CSMD1: variants seen among roughly 807,000 people sequenced by gnomAD.
CSMD1 encodes the protein CUB and sushi domain-containing protein 1.
CSMD1 carries 213 observed loss-of-function variants against 417.5 expected under a neutral mutation model. That is an observed-to-expected ratio of 0.51 (90% CI 0.46 to 0.57). The LOEUF is 0.57. CSMD1 is among the 20% of genes least tolerant of loss of function. The pLI, the probability that CSMD1 is intolerant of heterozygous loss-of-function variation, is 0.00. For missense variants in CSMD1, 6,923 were observed against 4,529.7 expected (o/e 1.53, Z -15.17); for synonymous variants, 2,862 against 1,736.8 (o/e 1.65, Z -16.11).
chr8:3,565,298 T>C (rs1174662368), intron 10 of CSMD1, among the ~76,000 whole-genome samples: 1 of 151,672 alleles, frequency 6.6e-6, no homozygotes, highest in Non-Finnish European at 1.5e-5. Flanking sequence ...GCGTCCTCCT[T>C]TCCCCAGTGG....
At chr8:3,682,049 A>G (rs1799692218) in intron 7 of CSMD1, among the ~76,000 whole-genome samples, 1 of 152,212 alleles carries the variant, frequency 6.6e-6, no homozygotes, top group African/African-American at 2.4e-5. Flanking sequence ...TTCAAGATGG[A>G]TTAAAGACTT....
intron 12 of CSMD1, among the ~76,000 whole-genome samples, chr8:3,437,336 C>T (rs759451697): frequency 2.6e-5 from 4 of 152,148 alleles, no homozygotes; most frequent in African/African-American, 2.4e-5. Context: ...GGCCTCAACT[C>T]GGGAAATCTT....
rs185369877 is a variant in CSMD1, at chr8:4,547,435, T to A, written c.302+89907A>T. Among the ~76,000 whole-genome samples the A allele has an allele frequency of 9.8e-5, 15 of 152,340 alleles. No individual in the cohort carries two copies. In the East Asian group the frequency reaches 1.5e-3, roughly 16 times the overall value. ...TAGAAGAAAATACAACTTCCTAGCATCAGATTGAAAAAGAAAAAAAGAAAC... is the reference window on the plus strand; with the variant it reads ...TAGAAGAAAATACAACTTCCTAGCAACAGATTGAAAAAGAAAAAAAGAAAC... On this transcript the variant is annotated intron_variant, in intron 2 of 69. Coordinates refer to ENST00000635120, the MANE Select transcript of CSMD1 (RefSeq NM_033225.6).
intron 7 of CSMD1, among the ~76,000 whole-genome samples, chr8:3,671,054 G>A (rs536267666): frequency 8.0e-6 from 1 of 124,354 alleles, no homozygotes; most frequent in Admixed American, 8.2e-5. Context: ...TATGTATATA[G>A]GATATATATG....
chr8:4,322,597 C>CAT (rs1391170699), intron 3 of CSMD1, among the ~76,000 whole-genome samples: 2 of 152,234 alleles, frequency 1.3e-5, no homozygotes, highest in East Asian at 3.9e-4. Context: ...ACATAAAAGA[C>CAT]ATGTTGTAGA....
chr8:3,967,932 C>T (rs1417710698), intron 5 of CSMD1, among the ~76,000 whole-genome samples: 1 of 148,648 alleles, frequency 6.7e-6, no homozygotes, highest in African/African-American at 2.5e-5. Context: ...CTTTGGGAGG[C>T]CGAGGTGTGC....
At chr8:3,186,195 G>C (rs926732964) in intron 36 of CSMD1, among the ~76,000 whole-genome samples, 61 of 152,094 alleles carry the variant, frequency 4.0e-4, no homozygotes, top group Non-Finnish European at 1.0e-4. Context: ...TTTTTAATGA[G>C]AGAGGCCTTA....
At chr8:3,476,137 G>A (rs1187515734) in intron 11 of CSMD1, among the ~76,000 whole-genome samples, 2 of 152,174 alleles carry the variant, frequency 1.3e-5, no homozygotes, top group East Asian at 3.9e-4. Context: ...GAGTCCAGGA[G>A]TTCAAGACTA....
chr8:3,946,993 T>C (rs1415121449), intron 5 of CSMD1, among the ~76,000 whole-genome samples: 1 of 152,178 alleles, frequency 6.6e-6, no homozygotes, highest in Non-Finnish European at 1.5e-5. Context: ...AATAAATACG[T>C]TGGATCTCAT....
chr8:3,906,222 G>C (rs892021841), intron 5 of CSMD1, among the ~76,000 whole-genome samples: 1 of 151,876 alleles, frequency 6.6e-6, no homozygotes, highest in African/African-American at 2.4e-5. Context: ...TCTTGATTGT[G>C]ACCACAAAAT....
intron 2 of CSMD1, among the ~76,000 whole-genome samples, chr8:4,633,389 G>C (rs1802645549): frequency 6.6e-6 from 1 of 151,776 alleles, no homozygotes; most frequent in African/African-American, 2.4e-5. Flanking sequence ...TGGGACTACA[G>C]GCGCCCACCA....
At chr8:4,849,688 T>A (rs542177626) in intron 1 of CSMD1, among the ~76,000 whole-genome samples, 24 of 152,308 alleles carry the variant, frequency 1.6e-4, no homozygotes, top group Middle Eastern at 3.4e-3. Context: ...TGCAGTAACA[T>A]GCTGTACAGA....
chr8:4,744,176 A>G (rs1040617432), intron 1 of CSMD1, among the ~76,000 whole-genome samples: 1 of 151,934 alleles, frequency 6.6e-6, no homozygotes, highest in African/African-American at 2.4e-5. Flanking sequence ...GTCGCAGTCC[A>G]GGCCAAACAC....
chr8:4,969,150 T>C (rs1479054182), intron 1 of CSMD1, among the ~76,000 whole-genome samples: 1 of 152,168 alleles, frequency 6.6e-6, no homozygotes, highest in Non-Finnish European at 1.5e-5. Flanking sequence ...TGTACTTTAT[T>C]ATACCATTAT....
chr8:4,821,475 G>T (rs118044629), intron 1 of CSMD1, among the ~76,000 whole-genome samples: 1 of 152,088 alleles, frequency 6.6e-6, no homozygotes, highest in African/African-American at 2.4e-5. Flanking sequence ...TACAGGGAAC[G>T]CACTTTTCTC....
chr8:3,814,771 C>T (rs749813848), intron 5 of CSMD1, among the ~76,000 whole-genome samples: 1 of 152,138 alleles, frequency 6.6e-6, no homozygotes, highest in African/African-American at 2.4e-5. Flanking sequence ...ATGGACTATT[C>T]TGCCACGATT....
intron 2 of CSMD1, among the ~76,000 whole-genome samples, chr8:4,433,005 C>T (rs1797956552): frequency 6.6e-6 from 1 of 152,106 alleles, no homozygotes; most frequent in Non-Finnish European, 1.5e-5. Flanking sequence ...ATTACATTCC[C>T]ACAGGAGCGT....
intron 2 of CSMD1, among the ~76,000 whole-genome samples, chr8:4,547,016 C>A (rs1417502447): frequency 1.3e-5 from 2 of 152,108 alleles, no homozygotes; most frequent in Non-Finnish European, 2.9e-5. Context: ...ATAATTCATA[C>A]CCAGACATCT....
chr8:4,419,293 G>C (rs1411036906), intron 3 of CSMD1, among the ~76,000 whole-genome samples: 1 of 152,090 alleles, frequency 6.6e-6, no homozygotes, highest in East Asian at 1.9e-4. Flanking sequence ...ACACACATCG[G>C]CCTTTAAAGT....
Sources: allele counts gnomAD v4.1 joint callset (sites outside exome capture counted in the v4.1 genomes callset), GRCh38; gene constraint gnomAD v4.1.1; transcripts MANE v1.5; gene names NCBI Gene and HGNC (gene_info 2026-07-23, HGNC 2026-07-21).